The following C1QTNF3 variants were observed in gnomAD, a reference collection of about 807,000 sequenced individuals.
C1QTNF3 encodes the protein complement C1q tumor necrosis factor-related protein 3.
In C1QTNF3, 26 loss-of-function variants were observed where a neutral mutation model predicts 32.6. The observed-to-expected ratio is 0.80, with a 90% CI of 0.58 to 1.11. The LOEUF (loss-of-function observed/expected upper bound fraction) is 1.11. Among genes scored for constraint, C1QTNF3 ranks in the 50% least tolerant of loss-of-function variants. The pLI, the probability that C1QTNF3 is intolerant of heterozygous loss-of-function variation, is 0.00. For synonymous variants in C1QTNF3, 155 were observed against 146.0 expected, an observed-to-expected ratio of 1.06 and a Z score of -0.44; for missense variants, 362 against 398.2, an observed-to-expected ratio of 0.91 and a Z score of 0.77.
At position 34,017,910 on chromosome 5, in the gene C1QTNF3, A is replaced by C. The variant is rs1282260557; in HGVS notation, c.*2673T>G. 9.1e-6 allele frequency among the ~76,000 whole-genome samples: 1 copy of C among 109,420 alleles called. No individual in the cohort carries two copies. The highest frequency in any genetic ancestry group is 1.8e-5 in the Non-Finnish European group (1 of 54,898). 71.8% of individuals were successfully genotyped at this position (109,420 alleles called of 152,430 possible). A position where few individuals can be genotyped will look rare whatever the true frequency, so the allele number is the denominator to read the frequency against. ...AAAAAGAGAATGCTCATGACATATT[A>C]TTTGTAATAAAAAAAAAATAATATT... On this transcript the variant is annotated 3_prime_UTR_variant, in exon 6 of 6. Coordinates refer to ENST00000382065, the MANE Select transcript of C1QTNF3 (RefSeq NM_181435.6).
At chr5:34,241,953 GA>G in the C1QTNF3 span, among the ~76,000 whole-genome samples, 462 of 91,360 alleles carry the variant, frequency 5.1e-3, 2 homozygotes, top group Middle Eastern at 0.021. Flanking sequence ...GGGAGGGAGG[GA>G]AGGAAGGAAG....
the C1QTNF3 span, among the ~76,000 whole-genome samples, chr5:34,068,160 T>C: frequency 1.3e-5 from 2 of 152,220 alleles, no homozygotes; most frequent in African/African-American, 2.4e-5. Context: ...GTGTAGAAGA[T>C]AAACTCTTCT....
At chr5:34,202,685 T>C in the C1QTNF3 span, among the ~76,000 whole-genome samples, 2 of 152,206 alleles carry the variant, frequency 1.3e-5, no homozygotes, top group East Asian at 1.9e-4. Context: ...TTAACTTTTA[T>C]ACATATGTAC....
At chr5:34,202,911 T>C in the C1QTNF3 span, among the ~76,000 whole-genome samples, 13 of 152,020 alleles carry the variant, frequency 8.6e-5, no homozygotes, top group Non-Finnish European at 5.9e-5. Context: ...TTAACTCAGA[T>C]GGTTCTAGTG....
chr5:34,043,249 T>C (rs1754919553), upstream of C1QTNF3: 3 of 1,039,920 alleles, frequency 2.9e-6, no homozygotes, highest in African/African-American at 1.6e-5. Flanking sequence ...TATACTTTGG[T>C]GTGTAATAAA....
chr5:34,094,640 C>T, the C1QTNF3 span, among the ~76,000 whole-genome samples: 5 of 151,856 alleles, frequency 3.3e-5, no homozygotes, highest in Middle Eastern at 3.4e-3. Flanking sequence ...GATATTGTAT[C>T]TTATGATATA....
the C1QTNF3 span, among the ~76,000 whole-genome samples, chr5:34,138,271 T>G: frequency 1.2e-4 from 18 of 152,198 alleles, no homozygotes; most frequent in Non-Finnish European, 1.3e-4. Flanking sequence ...TGAATTAAAA[T>G]TATCTTAACA....
the C1QTNF3 span, among the ~76,000 whole-genome samples, chr5:34,159,088 T>C: frequency 1.3e-5 from 2 of 152,094 alleles, no homozygotes; most frequent in African/African-American, 2.4e-5. Flanking sequence ...CTGTATCTCT[T>C]TAGAATTTTT....
intron 4 of C1QTNF3, among the ~76,000 whole-genome samples, chr5:34,025,701 C>G (rs1020019613): frequency 6.6e-6 from 1 of 152,190 alleles, no homozygotes; most frequent in Admixed American, 6.5e-5. Flanking sequence ...AGAAGCTGAA[C>G]GTCTGGCCCA....
the C1QTNF3 span, among the ~76,000 whole-genome samples, chr5:34,103,050 C>A: frequency 6.6e-6 from 1 of 152,262 alleles, no homozygotes; most frequent in East Asian, 1.9e-4. Flanking sequence ...TTTATCTCGA[C>A]AATCACAGTG....
chr5:34,178,037 C>A, the C1QTNF3 span, among the ~76,000 whole-genome samples: 3 of 145,662 alleles, frequency 2.1e-5, no homozygotes, highest in Non-Finnish European at 4.5e-5. Flanking sequence ...GAGGCCAAGG[C>A]AGGTGGATCG....
At chr5:34,129,402 ACAG>A in the C1QTNF3 span, among the ~76,000 whole-genome samples, 4 of 152,240 alleles carry the variant, frequency 2.6e-5, no homozygotes, top group African/African-American at 9.6e-5. Flanking sequence ...GAAGTAGAGA[ACAG>A]AATAGTTACC....
In C1QTNF3 at chr5:34,020,554, C is replaced by A; in HGVS notation, c.*29G>T. Reference sequence around the variant, plus strand: ...CAAATCAGCTCAGCTACAAGTCTTCCCCAAAGTGGAGCTATTCTAGTCATA... The same window carrying A: ...CAAATCAGCTCAGCTACAAGTCTTCACCAAAGTGGAGCTATTCTAGTCATA... On this transcript the variant is annotated 3_prime_UTR_variant, in exon 6 of 6. Coordinates refer to ENST00000382065, the MANE Select transcript of C1QTNF3 (RefSeq NM_181435.6). 1 of 1,603,346 alleles carries A rather than the reference C, an allele frequency of 6.2e-7. No individual in the cohort carries two copies. Among genetic ancestry groups the A allele is most frequent in the Non-Finnish European group, 8.5e-7 (1 of 1,171,758 alleles).
chr5:34,183,259 G>A, the C1QTNF3 span, among the ~76,000 whole-genome samples: 1 of 151,794 alleles, frequency 6.6e-6, no homozygotes, highest in Non-Finnish European at 1.5e-5. Context: ...TTACAGGCTT[G>A]AGCCACCGTG....
the C1QTNF3 span, among the ~76,000 whole-genome samples, chr5:34,210,559 A>T: frequency 5.3e-5 from 8 of 151,902 alleles, no homozygotes; most frequent in Non-Finnish European, 8.8e-5. Context: ...ATTGGAGTTA[A>T]AACAACAAAG....
chr5:34,182,469 C>T, the C1QTNF3 span, among the ~76,000 whole-genome samples: 2 of 152,262 alleles, frequency 1.3e-5, no homozygotes, highest in East Asian at 3.8e-4. Flanking sequence ...AGAGTGAGAC[C>T]ATCACAAATA....
the C1QTNF3 span, among the ~76,000 whole-genome samples, chr5:34,080,034 T>C: frequency 4.9e-3 from 740 of 151,856 alleles, 23 homozygotes; most frequent in Middle Eastern, 0.02. Context: ...ATTGTGTACA[T>C]AGCTCCAAAT....
the C1QTNF3 span, among the ~76,000 whole-genome samples, chr5:34,081,882 C>T: frequency 2.6e-5 from 4 of 151,386 alleles, no homozygotes; most frequent in African/African-American, 7.3e-5. Context: ...TTTTGATATC[C>T]TACATAATTT....
At chr5:34,118,223 G>A in the C1QTNF3 span, among the ~76,000 whole-genome samples, 1 of 152,070 alleles carries the variant, frequency 6.6e-6, no homozygotes, top group Non-Finnish European at 1.5e-5. Context: ...GGAATTACGG[G>A]TGCACACCAC....
Sources: gnomAD v4.1 joint callset for allele counts (sites outside exome capture counted in the v4.1 genomes callset) on GRCh38, gnomAD v4.1.1 for gene constraint, MANE v1.5 for transcripts, NCBI Gene and HGNC (gene_info 2026-07-23, HGNC 2026-07-21) for gene names.